Variants in PSMD8 observed in about 807,000 individuals in gnomAD.
PSMD8 encodes the protein 26S proteasome non-ATPase regulatory subunit 8.
PSMD8 carries 30 observed loss-of-function variants against 40.0 expected under a neutral mutation model. The observed-to-expected ratio is 0.75, with a 90% CI of 0.56 to 1.02. PSMD8 has a LOEUF of 1.02. Among genes scored for constraint, PSMD8 ranks in the 50% least tolerant of loss-of-function variants. The pLI, the probability that PSMD8 is intolerant of heterozygous loss-of-function variation, is 0.00. For missense variants in PSMD8, 461 were observed against 463.9 expected (o/e 0.99, Z 0.06); for synonymous variants, 208 against 192.5 (o/e 1.08, Z -0.67).
chr19:38,379,683 C>A (rs190358090), intron 4 of PSMD8, among the ~76,000 whole-genome samples: 1 of 152,006 alleles, frequency 6.6e-6, no homozygotes, highest in Non-Finnish European at 1.5e-5. Flanking sequence ...GAGTGGCCTG[C>A]GCAGTCTGTC....
intron 6 of PSMD8, among the ~76,000 whole-genome samples, chr19:38,383,042 G>C (rs892178216): frequency 7.2e-5 from 11 of 152,124 alleles, no homozygotes; most frequent in Admixed American, 6.6e-5. Flanking sequence ...AATCCTCACA[G>C]TTGACCCAGA....
rs201001430 is a variant in PSMD8, at chr19:38,374,832, C to T, written c.231C>T (p.Ser77=). The part of the protein sequence containing the change: ...AAVNGAAGFS[S]SGPAATSGAV... ...TGAACGGGGCGGCAGGCTTCTCGAG[C>T]TCCGGGCCCGCGGCAACCTCGGGCG... Residue 77 remains serine, a synonymous_variant, in exon 1 of 7, where the codon AGC becomes AGT. Transcript: ENST00000215071. 25 of 1,575,798 alleles carry T rather than the reference C, an allele frequency of 1.6e-5. No homozygotes were observed. The African/African-American group carries it at 3.0e-4, about 19-fold the overall frequency.
In PSMD8 at chr19:38,374,613, G is replaced by C. The variant is rs1970580072; in HGVS notation, c.12G>C (p.Lys4Asn). ...GAGCTCCAACTGACATGTTCATTAAGGGCAGGGCTCCGAGGGCGCCACCTC... is the reference window on the plus strand; with the variant it reads ...GAGCTCCAACTGACATGTTCATTAACGGCAGGGCTCCGAGGGCGCCACCTC... Reference protein sequence around the residue: MFIKGRAPRAPPRE... With the variant: MFINGRAPRAPPRE... The change falls in exon 1 of 7, where the codon AAG becomes AAC. Residue 4 changes from lysine (K) to asparagine (N), a missense_variant. Coordinates refer to ENST00000215071, the MANE Select transcript of PSMD8 (RefSeq NM_002812.5). 3.4e-6 allele frequency: 5 copies of C among 1,491,672 alleles called. No homozygotes were observed. The East Asian group carries it at 9.8e-5, about 29-fold the overall frequency. The allele number at this position is 1,491,672 out of a possible 1,614,324, so 92.4% of individuals were successfully genotyped here.
chr19:38,380,723 T>TGTGTGTGTGCGCGCGCGAGCGCGC (rs575195574), intron 4 of PSMD8, among the ~76,000 whole-genome samples, 176 bp from the exon 5 acceptor site: 1 of 144,006 alleles, frequency 6.9e-6, no homozygotes. Flanking sequence ...TGTGTGTGTG[T>TGTGTGTGTGCGCGCGCGAGCGCGC]GTGTGTGCGC....
chr19:38,375,084 G>A (rs1442563489), intron 1 of PSMD8, 123 bp downstream of exon 1: 16 of 1,437,192 alleles, frequency 1.1e-5, no homozygotes, highest in African/African-American at 1.4e-5. Flanking sequence ...GAGGCGGGCT[G>A]GGGGATCCGA....
Position 38,383,276 on chromosome 19 carries a change from C to A in PSMD8, c.939C>A (p.Asn313Lys), listed in dbSNP as rs1970658800. 6.2e-7 allele frequency: 1 copy of A among 1,613,194 alleles called. No individual in the cohort carries two copies. The highest frequency in any genetic ancestry group is 1.1e-5 in the South Asian group (1 of 91,036). The stretch of plus-strand genomic sequence containing the variant: ...AGCGAGGGTGGGTCCTGGGCCCCAA[C>A]AACTACTACAGTTTTGCCAGCCAGC... ...AKKRGWVLGP[N>K]NYYSFASQQQ... is the part of the protein sequence containing the mutation. The change falls in exon 7 of 7, where the codon AAC becomes AAA. Residue 313 changes from asparagine to lysine, a missense_variant. By Grantham distance (94) the Asn-to-Lys change is moderately conservative. This residue lies in a region of PSMD8 where 236 missense variants were observed against 321.2 expected (regional missense o/e 0.73). Coordinates refer to ENST00000215071, the MANE Select transcript of PSMD8 (RefSeq NM_002812.5).
Position 38,380,707 on chromosome 19 carries a change from A to AGAGT in PSMD8, c.703-191_703-190insAGTG, listed in dbSNP as rs1555743507. Among the ~76,000 whole-genome samples the AGAGT allele has an allele frequency of 8.5e-4, 103 of 120,942 alleles. No individual in the cohort carries two copies. The Middle Eastern group carries it at 0.019, about 22-fold the overall frequency. The allele number at this position is 120,942 out of a possible 152,430, so 79.3% of individuals were successfully genotyped here. A position where few individuals can be genotyped will look rare whatever the true frequency, so the allele number is the denominator to read the frequency against. ...GAGGGGGTGAGAGAGAGAGAGAGAG[A>AGAGT]GTGTGTGTGTGTGTGTGTGTGTGCG... is the stretch of plus-strand genomic sequence containing the variant. On this transcript the variant is annotated intron_variant, in intron 4 of 6. Transcript: ENST00000215071.
chr19:38,381,990 GC>G, intron 5 of PSMD8, 126 bp from the exon 6 acceptor site: 1 of 666,378 alleles, frequency 1.5e-6, no homozygotes, highest in South Asian at 1.8e-5. Flanking sequence ...ATAAAACAGG[GC>G]CCTTCACATA....
chr19:38,380,723 T>TGTGTGTGTGTGTGCGCGCGCGTGCGCGC lies in PSMD8; in HGVS notation c.703-169_703-168insTGTGTGCGCGCGCGTGCGCGCGTGTGTG, dbSNP rs575195574. Among the ~76,000 whole-genome samples the TGTGTGTGTGTGTGCGCGCGCGTGCGCGC allele has an allele frequency of 6.1e-4, 88 of 144,000 alleles. No homozygotes were observed. In the East Asian group the frequency reaches 7.0e-3, roughly 11 times the overall value. 94.5% of individuals were successfully genotyped at this position (144,000 alleles called of 152,430 possible). ...GAGAGAGAGAGTGTGTGTGTGTGTGTGTGTGTGCGCATAAACCAGCAAGGG... is the reference window on the plus strand; with the variant it reads ...GAGAGAGAGAGTGTGTGTGTGTGTGTGTGTGTGTGTGTGCGCGCGCGTGCGCGCGTGTGTGCGCATAAACCAGCAAGGG... On this transcript the variant is annotated intron_variant, in intron 4 of 6. Coordinates refer to ENST00000215071, the MANE Select transcript of PSMD8 (RefSeq NM_002812.5).
chr19:38,382,137 TC>T lies in PSMD8; in HGVS notation c.825del (p.Ile275MetfsTer25). 6.3e-7 allele frequency: 1 copy of T among 1,577,010 alleles called. No individual in the cohort carries two copies. The highest frequency in any genetic ancestry group is 8.6e-7 in the Non-Finnish European group (1 of 1,162,072). The stretch of plus-strand genomic sequence containing the variant: ...CCCAGGGATGAGATCGCTGGGTGCA[TC>T]GAGAAGGCCTACGAGAAAATCCTTT... ...DTIRDEIAGCIEKAYEKILFT... is the reference protein window; with the variant it reads ...DTIRDEIAGCXEKAYEKILFT... On this transcript the variant is annotated frameshift_variant, in exon 6 of 7. Coordinates refer to ENST00000215071, the MANE Select transcript of PSMD8 (RefSeq NM_002812.5). LOFTEE classifies it high-confidence loss of function.
At chr19:38,376,790 C>T (rs1438843104) in intron 3 of PSMD8, among the ~76,000 whole-genome samples, 3 of 152,218 alleles carry the variant, frequency 2.0e-5, no homozygotes, top group Admixed American at 1.3e-4. Flanking sequence ...GTCCATACCC[C>T]GCTCAGAACC....
Position 38,374,720 on chromosome 19 carries a change from A to G in PSMD8, c.119A>G (p.His40Arg). The change falls in exon 1 of 7, where the codon CAC (histidine) becomes CGC (arginine). Residue 40 changes from histidine to arginine, a missense_variant. Physicochemically the swap from His to Arg is conservative, Grantham distance 29. This residue lies in a region of PSMD8 where 225 missense variants were observed against 142.7 expected (regional missense o/e 1.58). Coordinates refer to ENST00000215071, the MANE Select transcript of PSMD8 (RefSeq NM_002812.5). ...PRALGSTSRP[H>R]FRRASVCRRR... ...GCCTTGGGCTCCACCTCTCGGCCCC[A>G]CTTCCGCCGGGCAAGCGTTTGTAGG... 6.5e-7 allele frequency: 1 copy of G among 1,547,176 alleles called. No homozygotes were observed. The highest frequency in any genetic ancestry group is 8.7e-7 in the Non-Finnish European group (1 of 1,149,238).
chr19:38,375,057 T>C, intron 1 of PSMD8, 96 bp downstream of exon 1: 2 of 1,498,410 alleles, frequency 1.3e-6, no homozygotes, highest in Non-Finnish European at 1.8e-6. Context: ...GGAAGCCACC[T>C]CGGTGCCAGC....
chr19:38,377,491 C>T (rs8112499), intron 3 of PSMD8, among the ~76,000 whole-genome samples: 3,570 of 150,154 alleles, frequency 0.024, 52 homozygotes, highest in South Asian at 0.045. Context: ...TTGCATCTGA[C>T]TCCAATAACT....
At chr19:38,376,015 A>T in intron 1 of PSMD8, 145 bp from the exon 2 acceptor site, 1 of 773,826 alleles carries the variant, frequency 1.3e-6, no homozygotes, top group Non-Finnish European at 2.1e-6. Flanking sequence ...CCCTGTTCTG[A>T]GTGCTTTATG....
chr19:38,381,719 G>A (rs1158143586), intron 5 of PSMD8, among the ~76,000 whole-genome samples: 2 of 152,118 alleles, frequency 1.3e-5, no homozygotes, highest in Non-Finnish European at 1.5e-5. Context: ...TTTCTACTTC[G>A]GTGTTGTTCG....
intron 4 of PSMD8, among the ~76,000 whole-genome samples, chr19:38,380,509 GGA>G (rs1970630389): frequency 1.3e-5 from 2 of 152,238 alleles, no homozygotes; most frequent in South Asian, 2.1e-4. Flanking sequence ...GGAGAGGATG[GGA>G]GAGAGGGCAG....
At chr19:38,378,104 G>A (rs1970612081) in intron 3 of PSMD8, among the ~76,000 whole-genome samples, 1 of 152,220 alleles carries the variant, frequency 6.6e-6, no homozygotes, top group African/African-American at 2.4e-5. Flanking sequence ...GCACATGCCT[G>A]AAATCCCAGC....
chr19:38,376,044 G>GT, intron 1 of PSMD8, 116 bp from the exon 2 acceptor site: 1 of 1,028,890 alleles, frequency 9.7e-7, no homozygotes, highest in Non-Finnish European at 1.5e-6. Context: ...TTCCTCATGA[G>GT]TCTGGATGAT....
Sources: allele counts gnomAD v4.1 joint callset (sites outside exome capture counted in the v4.1 genomes callset), GRCh38; gene constraint gnomAD v4.1.1; regional missense constraint gnomAD v4.1.1; transcripts MANE v1.5; gene names NCBI Gene and HGNC (gene_info 2026-07-23, HGNC 2026-07-21).